The following DIPK2B variants were observed in gnomAD, a reference collection of about 807,000 sequenced individuals.
The protein encoded by DIPK2B is divergent protein kinase domain 2B.
A neutral mutation model predicts 22.2 loss-of-function variants in DIPK2B; 15 were observed. That is an observed-to-expected ratio of 0.68 (90% CI 0.45 to 1.04). DIPK2B has a LOEUF of 1.04. Ranked by LOEUF, DIPK2B falls within the 50% of genes least tolerant of loss-of-function variation. The pLI is 0.00. For missense variants in DIPK2B, 345 were observed against 348.3 expected (o/e 0.99, Z 0.08); for synonymous variants, 163 against 153.2 (o/e 1.06, Z -0.47).
intron 2 of DIPK2B, among the ~76,000 whole-genome samples, chrX:45,171,294 T>C (rs1273838739): frequency 9.0e-6 from 1 of 110,773 alleles, no homozygotes; most frequent in East Asian, 2.8e-4. Flanking sequence ...ACCATTTCCC[T>C]GACCCCACTC....
At chrX:45,153,784 G>A (rs2046974581) in intron 4 of DIPK2B, 126 bp downstream of exon 4, 1 of 514,843 alleles carries the variant, frequency 1.9e-6, no homozygotes, top group Non-Finnish European at 3.1e-6. Flanking sequence ...CCGAACTTGA[G>A]TGGCTCTCAC....
At position 45,151,888 on chromosome X, in the gene DIPK2B, G is replaced by A. The variant is rs1381533853; in HGVS notation, c.1066C>T (p.Gln356Ter). Residue 356 changes from glutamine (Q) to a stop codon, truncating the protein, a stop_gained, in exon 5 of 5, where the codon CAG becomes TAG. Coordinates refer to ENST00000398000, the MANE Select transcript of DIPK2B (RefSeq NM_176819.4). LOFTEE classifies it high-confidence loss of function. ...LPSCESISEK[Q>*]SLVLVCQKLL... ...TTCTGACACACCAGCACCAGGCTCT[G>A]CTTCTCAGAGATGCTTTCGCAGGAG... 2 of 1,210,061 alleles carry A rather than the reference G, an allele frequency of 1.7e-6. No homozygotes were observed. Among genetic ancestry groups the A allele is most frequent in the Non-Finnish European group, 1.1e-6 (1 of 894,358 alleles).
chrX:45,155,260 TA>T (rs1450862982), intron 3 of DIPK2B, among the ~76,000 whole-genome samples: 1 of 110,000 alleles, frequency 9.1e-6, no homozygotes, highest in Non-Finnish European at 1.9e-5. Context: ...TTGTCTCTAC[TA>T]AAAGTGCAAA....
At chrX:45,164,162 T>C in intron 2 of DIPK2B, 1 of 1,171,073 alleles carries the variant, frequency 8.5e-7, no homozygotes, top group South Asian at 2.0e-5. Flanking sequence ...CTGGAAGTTC[T>C]CAGTGCTGGG....
chrX:45,156,482 T>C (rs778220000), intron 3 of DIPK2B, among the ~76,000 whole-genome samples: 1 of 112,174 alleles, frequency 8.9e-6, no homozygotes, highest in South Asian at 3.7e-4. Flanking sequence ...AGAAAAGATC[T>C]GTGAGAGTGC....
At chrX:45,187,250 C>T (rs2047188330) in intron 2 of DIPK2B, among the ~76,000 whole-genome samples, 1 of 112,019 alleles carries the variant, frequency 8.9e-6, no homozygotes, top group Admixed American at 9.4e-5. Flanking sequence ...AGGGTGGTTG[C>T]CTCTTTGCCC....
intron 2 of DIPK2B, among the ~76,000 whole-genome samples, chrX:45,185,275 C>T (rs1032141892): frequency 4.5e-5 from 5 of 112,125 alleles, no homozygotes; most frequent in East Asian, 5.6e-4. Context: ...TCACACTTAA[C>T]GGCAAAAGCA....
At chrX:45,158,494 C>T in intron 2 of DIPK2B, among the ~76,000 whole-genome samples, 1 of 111,446 alleles carries the variant, frequency 9.0e-6, no homozygotes. Flanking sequence ...TGAGGCTACA[C>T]TTGAGCGTTT....
At chrX:45,195,818 G>A (rs1052569555) in intron 1 of DIPK2B, among the ~76,000 whole-genome samples, 4 of 111,912 alleles carry the variant, frequency 3.6e-5, no homozygotes, top group African/African-American at 1.3e-4. Context: ...TCAGGCCTCT[G>A]AGGTTCCAAT....
In DIPK2B at chrX:45,173,541, CTTCTTTCTTTT is replaced by C. The variant is rs1471422635; in HGVS notation, c.499-15664_499-15654del. On this transcript the variant is annotated intron_variant, in intron 2 of 4. Transcript: ENST00000398000. ...TCTTTCTTTCTTTCTTCCTTTCTTT[CTTCTTTCTTTT>C]TTCTTTCTTCTTTCATTCTTTCTTT... Among the ~76,000 whole-genome samples, 33 of 99,751 alleles carry C rather than the reference CTTCTTTCTTTT, an allele frequency of 3.3e-4. 1 individual carries two copies. The South Asian group carries it at 7.7e-3, about 23-fold the overall frequency. The allele number at this position is 99,751 out of a possible 115,157, so 86.6% of individuals were successfully genotyped here.
intron 2 of DIPK2B, among the ~76,000 whole-genome samples, chrX:45,177,884 T>C (rs977239393): frequency 9.0e-6 from 1 of 111,535 alleles, no homozygotes; most frequent in African/African-American, 3.3e-5. Flanking sequence ...GAATAGTGAA[T>C]AGTGAATGAT....
intron 2 of DIPK2B, among the ~76,000 whole-genome samples, chrX:45,165,513 T>C (rs2047043807): frequency 2.7e-5 from 3 of 110,308 alleles, no homozygotes; most frequent in African/African-American, 9.9e-5. Flanking sequence ...CAGGTGGCAG[T>C]TGGAAAGTAA....
intron 3 of DIPK2B, 94 bp from the exon 4 acceptor site, chrX:45,154,292 T>TATCTATC (rs2046978923): frequency 3.4e-6 from 2 of 595,870 alleles, no homozygotes; most frequent in Admixed American, 4.1e-5. Flanking sequence ...TCTATCTATC[T>TATCTATC]ATCTATCTAT....
intron 2 of DIPK2B, among the ~76,000 whole-genome samples, chrX:45,190,737 C>T (rs917360365): frequency 8.9e-6 from 1 of 111,989 alleles, no homozygotes; most frequent in Non-Finnish European, 1.9e-5. Context: ...GGAATCTTTT[C>T]CCTATACCCT....
rs17148064 is a variant in DIPK2B at position 45,200,360 on chromosome X, T to G, written c.233+234A>C. 4.6e-3 allele frequency among the ~76,000 whole-genome samples: 519 copies of G among 112,217 alleles called. 4 individuals are homozygous for G. The highest frequency in any genetic ancestry group is 0.016 in the African/African-American group (488 of 30,917). ...CTACTCCATTCATAGGAAAGAAAAC[T>G]TCAAGCTTTCAGTTCAAAAGGAAAT... On this transcript the variant is annotated intron_variant, in intron 1 of 4. Transcript: ENST00000398000.
intron 1 of DIPK2B, among the ~76,000 whole-genome samples, chrX:45,198,785 C>G (rs949734561): frequency 1.8e-5 from 2 of 111,662 alleles, no homozygotes; most frequent in Non-Finnish European, 3.8e-5. Context: ...TCCTCTTTAT[C>G]TCTTTTCCTA....
rs747380281 is a variant in DIPK2B, at chrX:45,193,613, AC to A, written c.234-1599del. Among the ~76,000 whole-genome samples, 942 of 112,527 alleles carry A rather than the reference AC, an allele frequency of 8.4e-3. 12 individuals are homozygous for A. Among genetic ancestry groups the A allele is most frequent in the African/African-American group, 0.029 (901 of 30,972 alleles). The stretch of plus-strand genomic sequence containing the variant: ...TTATGCACTAGAGCTCCAGCCTCTC[AC>A]ATCTGGGAAGGTGCGCCAGTGGAAA... On this transcript the variant is annotated intron_variant, in intron 1 of 4. Coordinates refer to ENST00000398000, the MANE Select transcript of DIPK2B (RefSeq NM_176819.4).
At chrX:45,184,619 G>A (rs2047171629) in intron 2 of DIPK2B, among the ~76,000 whole-genome samples, 2 of 112,053 alleles carry the variant, frequency 1.8e-5, no homozygotes, top group African/African-American at 6.5e-5. Context: ...ATAATCCTAA[G>A]AGAGAAGCGC....
chrX:45,188,194 C>T (rs1032043722), intron 2 of DIPK2B, among the ~76,000 whole-genome samples: 4 of 111,803 alleles, frequency 3.6e-5, no homozygotes, highest in South Asian at 3.7e-4. Context: ...ATCAGAAAAA[C>T]GGGGTGGAGC....
Sources: allele counts gnomAD v4.1 joint callset (sites outside exome capture counted in the v4.1 genomes callset), GRCh38; gene constraint gnomAD v4.1.1; transcripts MANE v1.5; gene names NCBI Gene and HGNC (gene_info 2026-07-23, HGNC 2026-07-21).